Variants in CCDC14 observed in about 807,000 individuals in gnomAD.
The protein encoded by CCDC14 is coiled-coil domain containing 14.
Under a neutral mutation model 81.4 loss-of-function variants are expected in CCDC14, and 71 were observed. The ratio of observed to expected loss-of-function variants is 0.87; its 90% CI spans 0.72 to 1.06. The LOEUF is 1.06. CCDC14 is among the 50% of genes least tolerant of loss of function. The pLI, the probability that CCDC14 is intolerant of heterozygous loss-of-function variation, is 0.00. For synonymous variants in CCDC14, 332 were observed against 364.8 expected (o/e 0.91, Z 1.03); for missense variants, 1,046 against 1,047.3 (o/e 1.00, Z 0.02).
intron 9 of CCDC14, among the ~76,000 whole-genome samples, chr3:123,934,116 T>A (rs1217701096): frequency 6.6e-6 from 1 of 151,768 alleles, no homozygotes; most frequent in Non-Finnish European, 1.5e-5. Flanking sequence ...CTACTAAAAA[T>A]ACAAAAATTA....
chr3:123,917,264 C>A (rs76472326), intron 12 of CCDC14, among the ~76,000 whole-genome samples: 18,190 of 151,360 alleles, frequency 0.12, 2,632 homozygotes, highest in East Asian at 0.35. Flanking sequence ...GAGGCTGTGG[C>A]AGGCAGATCA....
At chr3:123,960,114 C>T (rs1315132675) in intron 1 of CCDC14, among the ~76,000 whole-genome samples, 1 of 152,170 alleles carries the variant, frequency 6.6e-6, no homozygotes, top group East Asian at 1.9e-4. Flanking sequence ...AATCACAATA[C>T]AGGAGAATCA....
the CCDC14 span, among the ~76,000 whole-genome samples, chr3:123,887,034 TATA>T: frequency 6.6e-6 from 1 of 152,178 alleles, no homozygotes; most frequent in Non-Finnish European, 1.5e-5. Flanking sequence ...GCATTAAACA[TATA>T]ATAATAATCT....
intron 9 of CCDC14, among the ~76,000 whole-genome samples, chr3:123,939,705 T>C (rs1408083473): frequency 6.6e-6 from 1 of 151,900 alleles, no homozygotes; most frequent in Non-Finnish European, 1.5e-5. Flanking sequence ...TACCATGCAT[T>C]CAGTCAATTT....
rs528352894 is a variant in CCDC14, at chr3:123,899,463, C to T, written c.668-1850G>A. Among the ~76,000 whole-genome samples, 15 of 152,360 alleles carry T rather than the reference C, an allele frequency of 9.8e-5. No homozygotes were observed. In the East Asian group the frequency reaches 2.1e-3, roughly 22 times the overall value. ...ATGTCCAGTATTGCCCTCTTCCCCT[C>T]GTCCCCGGGAAACCTGCCCAGCCTC... On this transcript the variant is annotated intron_variant, in intron 5 of 5. Coordinates refer to the CCDC14 transcript ENST00000479903.
intron 12 of CCDC14, among the ~76,000 whole-genome samples, chr3:123,922,505 T>C (rs2035112550): frequency 6.6e-6 from 1 of 151,866 alleles, no homozygotes; most frequent in African/African-American, 2.4e-5. Context: ...AAGACTTAAA[T>C]GAATCAGAAA....
Position 123,915,608 on chromosome 3 carries a change from T to C in CCDC14, c.1889A>G (p.Gln630Arg). ...TKSLLNIHDK[Q>R]LQHDPAPAHT... ...AGCAGGAGCTGGGTCATGTTGAAGT[T>C]GTTTATCATGAATGTTCAAGAGTGA... Residue 630 changes from glutamine (Q) to arginine (R), a missense_variant, in exon 13 of 13, where the codon CAA becomes CGA. By Grantham distance (43) the Gln-to-Arg change is conservative. Transcript: ENST00000409697. The C allele has an allele frequency of 6.2e-7, 1 of 1,613,954 alleles. No homozygotes were observed. Among genetic ancestry groups the C allele is most frequent in the Non-Finnish European group, 8.5e-7 (1 of 1,179,828 alleles).
At chr3:123,950,427 G>A (rs750826005) in intron 5 of CCDC14, among the ~76,000 whole-genome samples, 4 of 152,118 alleles carry the variant, frequency 2.6e-5, no homozygotes, top group South Asian at 4.1e-4. Context: ...TGGTATACTC[G>A]CAGGCTGGAA....
At chr3:123,908,433 A>G (rs1179544321), downstream of CCDC14, among the ~76,000 whole-genome samples, 2 of 152,194 alleles carry the variant, frequency 1.3e-5, no homozygotes, top group Non-Finnish European at 2.9e-5. Context: ...CACATAACAC[A>G]TAAAGACAGA....
At chr3:123,910,346 A>C (rs959729672), downstream of CCDC14, among the ~76,000 whole-genome samples, 1 of 152,182 alleles carries the variant, frequency 6.6e-6, no homozygotes, top group Non-Finnish European at 1.5e-5. Context: ...CGCCTGGATC[A>C]GATCACATCT....
chr3:123,948,354 G>T (rs1477237988), intron 7 of CCDC14, among the ~76,000 whole-genome samples: 1 of 150,840 alleles, frequency 6.6e-6, no homozygotes, highest in East Asian at 1.9e-4. Flanking sequence ...TAATTCTCCT[G>T]CCTCAGCCTC....
At chr3:123,892,121 A>G in the CCDC14 span, among the ~76,000 whole-genome samples, 78 of 152,306 alleles carry the variant, frequency 5.1e-4, no homozygotes, top group African/African-American at 1.8e-3. Flanking sequence ...ATCATCTCCC[A>G]CTGGGTCCCT....
rs898897718 is a variant in CCDC14, at chr3:123,914,584, C to T, written c.*195G>A. 1.9e-5 allele frequency: 24 copies of T among 1,260,466 alleles called. No homozygotes were observed. The highest frequency in any genetic ancestry group is 2.3e-5 in the Non-Finnish European group (23 of 1,003,574). 78.1% of individuals were successfully genotyped at this position (1,260,466 alleles called of 1,614,324 possible). On this transcript the variant is annotated 3_prime_UTR_variant, in exon 13 of 13. Transcript: ENST00000409697. ...GTTATCCACAACTTTCTTCTTGTAG[C>T]AATTGTGAACTTAAGATGACTTGTT...
intron 9 of CCDC14, among the ~76,000 whole-genome samples, chr3:123,938,637 A>G (rs1210713264): frequency 6.6e-6 from 1 of 151,982 alleles, no homozygotes; most frequent in African/African-American, 2.4e-5. Context: ...ACATTGTTAA[A>G]CAGAAATAAC....
At chr3:123,929,339 C>CT (rs1393795177) in intron 12 of CCDC14, among the ~76,000 whole-genome samples, 1 of 151,942 alleles carries the variant, frequency 6.6e-6, no homozygotes, top group Admixed American at 6.5e-5. Flanking sequence ...GAGACAGGGT[C>CT]TTACTCTGTC....
chr3:123,900,849 A>G (rs1221595139), intron 5 of CCDC14, among the ~76,000 whole-genome samples: 2 of 152,190 alleles, frequency 1.3e-5, no homozygotes, highest in African/African-American at 4.8e-5. Flanking sequence ...GAATTTCAAC[A>G]GAGTTTTTAT....
At chr3:123,926,581 A>C (rs964863119) in intron 12 of CCDC14, among the ~76,000 whole-genome samples, 1 of 147,128 alleles carries the variant, frequency 6.8e-6, no homozygotes, top group Non-Finnish European at 1.5e-5. Flanking sequence ...ATTAATATTT[A>C]AAATATTATT....
chr3:123,892,855 A>T (rs2682236), downstream of CCDC14, among the ~76,000 whole-genome samples: 20,798 of 151,932 alleles, frequency 0.14, 2,465 homozygotes, highest in East Asian at 0.36. Flanking sequence ...CCCAGGCTGG[A>T]GTGCAATGGT....
chr3:123,902,454 T>A (rs2034196858), intron 5 of CCDC14, among the ~76,000 whole-genome samples: 1 of 152,230 alleles, frequency 6.6e-6, no homozygotes, highest in South Asian at 2.1e-4. Flanking sequence ...TGAATTCTTC[T>A]TGCCATAAAA....
Sources: allele counts gnomAD v4.1 joint callset (sites outside exome capture counted in the v4.1 genomes callset), GRCh38; gene constraint gnomAD v4.1.1; transcripts MANE v1.5; gene names NCBI Gene and HGNC (gene_info 2026-07-23, HGNC 2026-07-21).